The following MEGF6 variants were observed in gnomAD, a reference collection of about 807,000 sequenced individuals.
MEGF6 encodes multiple EGF like domains 6.
A neutral mutation model predicts 207.1 loss-of-function variants in MEGF6; 184 were observed. The observed-to-expected ratio is 0.89, with a 90% CI of 0.79 to 1.00. MEGF6 has a LOEUF of 1.00. Among genes scored for constraint, MEGF6 ranks in the 50% least tolerant of loss-of-function variants. The pLI is 0.00. For missense variants in MEGF6, 2,282 were observed against 2,202.9 expected, an observed-to-expected ratio of 1.04 and a Z score of -0.72; for synonymous variants, 1,038 against 910.0, an observed-to-expected ratio of 1.14 and a Z score of -2.53.
chr1:3,517,010 G>A (rs191215094), intron 5 of MEGF6, among the ~76,000 whole-genome samples: 17 of 152,204 alleles, frequency 1.1e-4, no homozygotes, highest in South Asian at 2.1e-4. Flanking sequence ...CCCCAGGCCC[G>A]GCCTGCCTCA....
intron 4 of MEGF6, among the ~76,000 whole-genome samples, chr1:3,552,768 A>AG (rs1642925324): frequency 6.6e-6 from 1 of 152,198 alleles, no homozygotes; most frequent in African/African-American, 2.4e-5. Context: ...GGGTGGCTTG[A>AG]GGGAAAGGGC....
At chr1:3,529,314 A>G (rs1262841582) in intron 4 of MEGF6, among the ~76,000 whole-genome samples, 1 of 152,164 alleles carries the variant, frequency 6.6e-6, no homozygotes, top group Admixed American at 6.5e-5. Flanking sequence ...GGAGGCCCCT[A>G]TGAGTCAGGC....
intron 12 of MEGF6, 31 bp downstream of exon 12, chr1:3,509,044 A>C: frequency 6.6e-7 from 1 of 1,504,320 alleles, no homozygotes; most frequent in Non-Finnish European, 8.9e-7. Flanking sequence ...CCCTGCGAGC[A>C]GGAGCCCCCG....
At position 3,604,746 on chromosome 1, in the gene MEGF6, G is replaced by A. The variant is rs115480389; in HGVS notation, c.132-2146C>T. Among the ~76,000 whole-genome samples, 1,166 of 152,216 alleles carry A rather than the reference G, an allele frequency of 7.7e-3. 16 individuals carry two copies. The highest frequency in any genetic ancestry group is 0.027 in the African/African-American group (1,103 of 41,506). ...TCACCAGCTAATGGTGATGACTAAG[G>A]GCCAGGTCTCTCCCACCTTCCCCCA... is the stretch of plus-strand genomic sequence containing the variant. On this transcript the variant is annotated intron_variant, in intron 1 of 36. Coordinates refer to ENST00000356575, the MANE Select transcript of MEGF6 (RefSeq NM_001409.4).
chr1:3,590,995 C>G (rs1359986504), intron 3 of MEGF6, among the ~76,000 whole-genome samples: 1 of 151,462 alleles, frequency 6.6e-6, no homozygotes, highest in African/African-American at 2.4e-5. Context: ...CCAGTGCCCA[C>G]AGGCACACTG....
intron 3 of MEGF6, among the ~76,000 whole-genome samples, chr1:3,583,904 G>GCGCAGCCACCAGACAACC (rs1643862513): frequency 8.5e-6 from 1 of 117,364 alleles, no homozygotes; most frequent in Non-Finnish European, 2.0e-5. Context: ...ACCAGACAAC[G>GCGCAGCCACCAGACAACC]CGCAGCCACC....
chr1:3,611,053 C>T, intron 1 of MEGF6, 85 bp downstream of exon 1: 1 of 1,364,176 alleles, frequency 7.3e-7, no homozygotes, highest in Non-Finnish European at 9.4e-7. Context: ...AGGGACAAAG[C>T]CTCGGAGCTC....
chr1:3,500,634 C>A lies in MEGF6; in HGVS notation c.2706G>T (p.Gln902His). ...GCCAAAGGCAGGGCCGGGACTCACG[C>A]TGCTCGCACCGCGGGCCCACGTAGC... ...EAGYVGPRCE[Q>H]QCPQGHFGPG... Residue 902 changes from glutamine (Q) to histidine (H), a missense_variant and splice_region_variant, in exon 21 of 37, where the codon CAG becomes CAT. Transcript: ENST00000356575. The A allele has an allele frequency of 6.4e-7, 1 of 1,555,228 alleles. No homozygotes were observed. The highest frequency in any genetic ancestry group is 8.7e-7 in the Non-Finnish European group (1 of 1,149,732).
At position 3,496,853 on chromosome 1, in the gene MEGF6, G is replaced by C. The variant is rs1431567513; in HGVS notation, c.3614-70C>G. 13 of 1,527,746 alleles carry C rather than the reference G, an allele frequency of 8.5e-6. No individual in the cohort carries two copies. In the East Asian group the frequency reaches 1.5e-4, roughly 17 times the overall value. The allele number at this position is 1,527,746 out of a possible 1,614,324, so 94.6% of individuals were successfully genotyped here. A position where few individuals can be genotyped will look rare whatever the true frequency, so the allele number is the denominator to read the frequency against. On this transcript the variant is annotated intron_variant, in intron 28 of 36. Transcript: ENST00000356575. ...CCCCAGTGCCCCTGAACACAGCAAG[G>C]CAGCTCTCATGAGACCCCCACACCC...
intron 13 of MEGF6, 48 bp from the exon 14 acceptor site, chr1:3,507,971 C>G (rs1402928846): frequency 6.3e-7 from 1 of 1,583,510 alleles, no homozygotes; most frequent in African/African-American, 1.3e-5. Context: ...CAGCACGACA[C>G]TCTGAGACCC....
chr1:3,547,755 C>T (rs1034187918), intron 4 of MEGF6, among the ~76,000 whole-genome samples: 3 of 152,316 alleles, frequency 2.0e-5, no homozygotes, highest in East Asian at 1.9e-4. Context: ...GCCCGCCCTC[C>T]GTCTTTGCGG....
At chr1:3,550,065 G>A (rs869698) in intron 4 of MEGF6, among the ~76,000 whole-genome samples, 3,131 of 152,266 alleles carry the variant, frequency 0.021, 63 homozygotes, top group African/African-American at 0.052. Flanking sequence ...TGAGGGGAAG[G>A]CTCCATGCCC....
Position 3,495,947 on chromosome 1 carries a change from G to C in MEGF6, c.3814C>G (p.Pro1272Ala), listed in dbSNP as rs1290403244. 1 of 1,591,626 alleles carries C rather than the reference G, an allele frequency of 6.3e-7. No individual in the cohort carries two copies. Among genetic ancestry groups the C allele is most frequent in the African/African-American group, 1.3e-5 (1 of 74,756 alleles). ...CGCGQGAACD[P>A]VTGTCLCPPG... ...GGGCAGAGGCAGGTGCCGGTCACAG[G>C]GTCGCAGGCCGCCCCCTGCCCACAC... is the stretch of plus-strand genomic sequence containing the variant. Residue 1272 changes from proline (P) to alanine (A), a missense_variant, in exon 30 of 37, where the codon CCT (proline) becomes GCT (alanine). Pro to Ala is a conservative substitution (Grantham distance 27). Transcript: ENST00000356575.
At chr1:3,607,873 G>A (rs1022466762) in intron 1 of MEGF6, among the ~76,000 whole-genome samples, 2 of 152,222 alleles carry the variant, frequency 1.3e-5, no homozygotes, top group African/African-American at 2.4e-5. Flanking sequence ...GGCATGCTGC[G>A]GGGTCCCTCC....
rs548391243 is a variant in MEGF6 at position 3,581,432 on chromosome 1, G to T, written c.377-1503C>A. Among the ~76,000 whole-genome samples the T allele has an allele frequency of 9.2e-5, 14 of 152,332 alleles. No individual in the cohort carries two copies. In the South Asian group the frequency reaches 1.5e-3, roughly 16 times the overall value. ...TCCGAACGCGATAGGGTGGGGGCCA[G>T]GGGGCTGCAGGGAAGCCGGATGGAA... On this transcript the variant is annotated intron_variant, in intron 3 of 36. Transcript: ENST00000356575.
At chr1:3,530,667 AC>A (rs1026852793) in intron 4 of MEGF6, among the ~76,000 whole-genome samples, 1 of 152,082 alleles carries the variant, frequency 6.6e-6, no homozygotes, top group Non-Finnish European at 1.5e-5. Context: ...CACAGACAGG[AC>A]CCCAAAGGGG....
intron 4 of MEGF6, among the ~76,000 whole-genome samples, chr1:3,561,576 C>T (rs985886970): frequency 1.3e-5 from 2 of 152,114 alleles, no homozygotes; most frequent in African/African-American, 4.8e-5. Context: ...AGTCACAGAC[C>T]CGGGGGAGCT....
At chr1:3,539,715 G>A (rs1642453643) in intron 4 of MEGF6, among the ~76,000 whole-genome samples, 1 of 152,174 alleles carries the variant, frequency 6.6e-6, no homozygotes. Flanking sequence ...CCCCAGCCCA[G>A]GAGGCCCTTG....
intron 3 of MEGF6, among the ~76,000 whole-genome samples, chr1:3,584,252 G>T (rs1287459946): frequency 2.0e-5 from 3 of 152,232 alleles, no homozygotes; most frequent in Non-Finnish European, 4.4e-5. Flanking sequence ...TCTCCCAGTG[G>T]CTGGAGCTCA....
Sources: gnomAD v4.1 joint callset for allele counts (sites outside exome capture counted in the v4.1 genomes callset) on GRCh38, gnomAD v4.1.1 for gene constraint, MANE v1.5 for transcripts, NCBI Gene and HGNC (gene_info 2026-07-23, HGNC 2026-07-21) for gene names.